Variants in KIF6 observed in about 807,000 individuals in gnomAD.
KIF6 encodes kinesin family member 6.
Under a neutral mutation model 112.7 loss-of-function variants are expected in KIF6, and 106 were observed. That is an observed-to-expected ratio of 0.94 (90% CI 0.80 to 1.11). The LOEUF is 1.11. KIF6 is among the 50% of genes least tolerant of loss of function. KIF6 has a pLI of 0.00. For missense variants in KIF6, 929 were observed against 964.0 expected (o/e 0.96, Z 0.48); for synonymous variants, 339 against 339.9 (o/e 1.00, Z 0.03).
chr6:39,645,584 C>G (rs1052918009), intron 3 of KIF6, among the ~76,000 whole-genome samples: 1 of 151,976 alleles, frequency 6.6e-6, no homozygotes, highest in South Asian at 2.1e-4. Context: ...ATTTTTGCAT[C>G]GATGTTCATC....
intron 3 of KIF6, among the ~76,000 whole-genome samples, chr6:39,683,539 T>C (rs1028045144): frequency 6.6e-6 from 1 of 152,142 alleles, no homozygotes; most frequent in Non-Finnish European, 1.5e-5. Context: ...GATACAGATG[T>C]CTGGAGTTCT....
At chr6:39,654,842 A>AT (rs988387881) in intron 3 of KIF6, among the ~76,000 whole-genome samples, 2 of 152,134 alleles carry the variant, frequency 1.3e-5, no homozygotes, top group Non-Finnish European at 2.9e-5. Flanking sequence ...GATCCACCTA[A>AT]TTTTTTATAC....
intron 20 of KIF6, among the ~76,000 whole-genome samples, chr6:39,346,085 T>TCTCTCTCC (rs1212794740): frequency 9.3e-4 from 20 of 21,600 alleles, no homozygotes; most frequent in South Asian, 2.1e-3. Context: ...TCTCTCTCTC[T>TCTCTCTCC]CCCCCCCCTC....
Position 39,631,544 on chromosome 6 carries a change from G to A in KIF6, c.509+3305C>T, listed in dbSNP as rs145301492. The stretch of plus-strand genomic sequence containing the variant: ...GTATAATTTTTCTTCTTTAGCCTGC[G>A]GATTACATTGATTGCTTTTCAAATG... On this transcript the variant is annotated intron_variant, in intron 5 of 22. Transcript: ENST00000287152. Among the ~76,000 whole-genome samples the A allele has an allele frequency of 4.0e-3, 602 of 152,028 alleles. 6 individuals carry two copies. The highest frequency in any genetic ancestry group is 0.014 in the African/African-American group (572 of 41,494).
At position 39,342,308 on chromosome 6, in the gene KIF6, G is replaced by A. The variant is rs1000698944; in HGVS notation, c.2428+1401C>T. On this transcript the variant is annotated intron_variant, in intron 22 of 22. Coordinates refer to ENST00000287152, the MANE Select transcript of KIF6 (RefSeq NM_145027.6). This position sits in a 1 kb window ranked among gnomAD's most constrained non-coding sequence, Gnocchi z 4.7. ...CAGTTACTGTCTACAACATTACATA[G>A]TTTAGCTATTTCATAGCACTTATTA... Among the ~76,000 whole-genome samples, 3 of 152,210 alleles carry A rather than the reference G, an allele frequency of 2.0e-5. No homozygotes were observed. Among genetic ancestry groups the A allele is most frequent in the Non-Finnish European group, 4.4e-5 (3 of 68,048 alleles).
At chr6:39,529,499 T>C (rs750563316) in intron 13 of KIF6, among the ~76,000 whole-genome samples, 14 of 152,098 alleles carry the variant, frequency 9.2e-5, no homozygotes, top group Admixed American at 1.3e-4. Context: ...TAAAAATGGG[T>C]GACCTGGCCA....
intron 13 of KIF6, among the ~76,000 whole-genome samples, chr6:39,528,376 G>A (rs1237009672): frequency 6.6e-6 from 1 of 152,108 alleles, no homozygotes; most frequent in Non-Finnish European, 1.5e-5. Flanking sequence ...TGGACATTTA[G>A]GTTAACTCCA....
intron 22 of KIF6, among the ~76,000 whole-genome samples, chr6:39,338,431 C>CTT (rs1470286994): frequency 1.3e-5 from 2 of 152,180 alleles, no homozygotes; most frequent in Admixed American, 1.3e-4. Context: ...GTGTGCAAGA[C>CTT]CTCTGGCAGG....
intron 13 of KIF6, among the ~76,000 whole-genome samples, chr6:39,510,825 G>A (rs902376046): frequency 3.6e-5 from 5 of 139,946 alleles, no homozygotes; most frequent in African/African-American, 1.4e-4. Flanking sequence ...GACACACATA[G>A]GCTCAAAATA....
At chr6:39,651,967 G>A (rs969869171) in intron 3 of KIF6, among the ~76,000 whole-genome samples, 1 of 152,100 alleles carries the variant, frequency 6.6e-6, no homozygotes, top group Admixed American at 6.6e-5. Flanking sequence ...TACCCTGCAG[G>A]CCATAGACAA....
chr6:39,681,715 G>A (rs1787529721), intron 3 of KIF6, among the ~76,000 whole-genome samples: 1 of 152,088 alleles, frequency 6.6e-6, no homozygotes, highest in Non-Finnish European at 1.5e-5. Flanking sequence ...CAATTCCACG[G>A]AGAAATGGAC....
chr6:39,373,081 C>T (rs1766151009), intron 16 of KIF6, among the ~76,000 whole-genome samples: 2 of 152,124 alleles, frequency 1.3e-5, no homozygotes, highest in African/African-American at 4.8e-5. Flanking sequence ...ATAGAGGGGC[C>T]AGCCATAATA....
intron 16 of KIF6, among the ~76,000 whole-genome samples, chr6:39,373,259 G>C (rs1425271501): frequency 6.6e-6 from 1 of 152,176 alleles, no homozygotes; most frequent in African/African-American, 2.4e-5. Context: ...GCGCTTAAAG[G>C]AATAGACAGC....
intron 10 of KIF6, among the ~76,000 whole-genome samples, chr6:39,552,754 TA>T (rs140724800): frequency 1.3e-5 from 2 of 151,914 alleles, no homozygotes; most frequent in African/African-American, 2.4e-5. Context: ...TCTGCCATAT[TA>T]AAAAAAAGAG....
At chr6:39,598,102 C>T (rs1351009360) in intron 6 of KIF6, among the ~76,000 whole-genome samples, 2 of 151,932 alleles carry the variant, frequency 1.3e-5, no homozygotes, top group East Asian at 3.9e-4. Flanking sequence ...CAGGAGAATA[C>T]CTTGAACCCC....
At chr6:39,717,919 T>C (rs1012954090) in intron 2 of KIF6, among the ~76,000 whole-genome samples, 3 of 152,148 alleles carry the variant, frequency 2.0e-5, no homozygotes, top group East Asian at 3.9e-4. Context: ...TGCACTTTGT[T>C]TGTATCTATA....
At chr6:39,345,209 A>G (rs1335116791) in intron 21 of KIF6, among the ~76,000 whole-genome samples, 3 of 152,264 alleles carry the variant, frequency 2.0e-5, no homozygotes, top group Admixed American at 2.0e-4. Context: ...TTCCCGCTGC[A>G]GGCCAGCCGG....
At chr6:39,594,732 TA>T (rs1247286959) in intron 7 of KIF6, among the ~76,000 whole-genome samples, 1 of 152,232 alleles carries the variant, frequency 6.6e-6, no homozygotes, top group Non-Finnish European at 1.5e-5. Context: ...AAAAAGGTTT[TA>T]TTTTTTTCCC....
At chr6:39,460,423 T>C (rs968237552) in intron 13 of KIF6, among the ~76,000 whole-genome samples, 1 of 132,924 alleles carries the variant, frequency 7.5e-6, no homozygotes, top group African/African-American at 3.0e-5. Flanking sequence ...TACCTAATGC[T>C]AGATGACGAG....
Sources: gnomAD v4.1 joint callset for allele counts (sites outside exome capture counted in the v4.1 genomes callset) on GRCh38, gnomAD v4.1.1 for gene constraint, Gnocchi (gnomAD v3.1) non-coding constraint, MANE v1.5 for transcripts, NCBI Gene and HGNC (gene_info 2026-07-23, HGNC 2026-07-21) for gene names.